NTM: variants seen among roughly 807,000 people sequenced by gnomAD.
The protein encoded by NTM is IgLON family member 2.
In NTM, 13 loss-of-function variants were observed where a neutral mutation model predicts 42.1. The observed-to-expected ratio is 0.31, with a 90% CI of 0.20 to 0.49. The LOEUF (loss-of-function observed/expected upper bound fraction) is 0.49. Among genes scored for constraint, NTM ranks in the 20% least tolerant of loss-of-function variants. The pLI is 0.99. For synonymous variants in NTM, 187 were observed against 179.2 expected, an observed-to-expected ratio of 1.04 and a Z score of -0.35; for missense variants, 373 against 452.8, an observed-to-expected ratio of 0.82 and a Z score of 1.60.
At chr11:131,772,428 A>G (rs955429783) in intron 1 of NTM, among the ~76,000 whole-genome samples, 5 of 152,186 alleles carry the variant, frequency 3.3e-5, no homozygotes, top group Non-Finnish European at 7.3e-5. Context: ...GGCCTGACCT[A>G]ATCAGGTCAA....
At chr11:131,541,586 T>C (rs781641448) in intron 1 of NTM, among the ~76,000 whole-genome samples, 1 of 151,958 alleles carries the variant, frequency 6.6e-6, no homozygotes, top group Admixed American at 6.6e-5. Flanking sequence ...TTGGGAGCTA[T>C]GTAAAGCCAG....
rs561142909 is a variant in NTM, at chr11:132,125,195, A to T, written c.168-21087A>T. On this transcript the variant is annotated intron_variant, in intron 2 of 8. Coordinates refer to ENST00000683400, the MANE Select transcript of NTM (RefSeq NM_001352005.2). ...GGCGACTGAGTGAGTGAATCAGGAA[A>T]GGATGTTTTCATTTTATTGAGTGAA... 5.9e-4 allele frequency among the ~76,000 whole-genome samples: 90 copies of T among 152,232 alleles called. 2 individuals are homozygous for T. Among genetic ancestry groups the T allele is most frequent in the African/African-American group, 2.0e-3 (83 of 41,546 alleles).
intron 7 of NTM, among the ~76,000 whole-genome samples, chr11:132,320,941 T>A (rs1307889589): frequency 6.6e-6 from 1 of 151,016 alleles, no homozygotes; most frequent in Non-Finnish European, 1.5e-5. Context: ...TGCAGGGTAC[T>A]CCAACAGACC....
intron 1 of NTM, among the ~76,000 whole-genome samples, chr11:131,711,931 A>T (rs1281711257): frequency 3.7e-4 from 49 of 133,308 alleles, no homozygotes; most frequent in African/African-American, 1.4e-3. Context: ...GAATTGAACA[A>T]TGAGAACACA....
chr11:131,523,275 A>G (rs1323679032), intron 1 of NTM, among the ~76,000 whole-genome samples: 1 of 152,242 alleles, frequency 6.6e-6, no homozygotes, highest in Non-Finnish European at 1.5e-5. Context: ...TTGTAATACT[A>G]GTTGTCAGAG....
chr11:132,183,057 G>T (rs1353766478), intron 3 of NTM, among the ~76,000 whole-genome samples: 1 of 152,046 alleles, frequency 6.6e-6, no homozygotes, highest in East Asian at 1.9e-4. Flanking sequence ...ATCTCACACG[G>T]TGCTGTACAG....
intron 1 of NTM, chr11:131,536,740 T>C (rs1292749143): frequency 1.3e-5 from 2 of 152,168 alleles, no homozygotes; most frequent in African/African-American, 4.8e-5. Flanking sequence ...CGCTAAATAG[T>C]GAGACAGAGG....
chr11:131,831,546 C>T (rs2042821786), intron 1 of NTM, among the ~76,000 whole-genome samples: 1 of 152,136 alleles, frequency 6.6e-6, no homozygotes, highest in Admixed American at 6.5e-5. Flanking sequence ...TTCCCCAAGC[C>T]TCCAGAAAGT....
At chr11:132,094,763 G>A (rs542115593) in intron 2 of NTM, among the ~76,000 whole-genome samples, 1 of 152,248 alleles carries the variant, frequency 6.6e-6, no homozygotes, top group East Asian at 1.9e-4. Flanking sequence ...AAAATGTCAG[G>A]GAGGTTAGAA....
chr11:131,823,224 A>G (rs2093264780), intron 1 of NTM, among the ~76,000 whole-genome samples: 3 of 152,152 alleles, frequency 2.0e-5, no homozygotes, highest in Non-Finnish European at 4.4e-5. Flanking sequence ...TTAGAGGGTT[A>G]TTTTCTTCCC....
intron 7 of NTM, among the ~76,000 whole-genome samples, chr11:132,316,448 C>A (rs531561422): frequency 5.1e-4 from 78 of 152,294 alleles, no homozygotes; most frequent in African/African-American, 1.8e-3. Context: ...CTACCATTGC[C>A]AGCTCTCTGG....
At chr11:132,117,514 A>G (rs557079990) in intron 2 of NTM, among the ~76,000 whole-genome samples, 1 of 152,214 alleles carries the variant, frequency 6.6e-6, no homozygotes, top group Non-Finnish European at 1.5e-5. Context: ...AAATATTCTT[A>G]TATATAAAGC....
chr11:132,237,757 G>A (rs1220508819), intron 4 of NTM, among the ~76,000 whole-genome samples: 1 of 152,154 alleles, frequency 6.6e-6, no homozygotes, highest in Non-Finnish European at 1.5e-5. Context: ...TCTCTCCGTA[G>A]CCAGAGGAAA....
chr11:131,814,147 A>T (rs1332184144), intron 1 of NTM, among the ~76,000 whole-genome samples: 3 of 152,196 alleles, frequency 2.0e-5, no homozygotes, highest in African/African-American at 7.2e-5. Flanking sequence ...TTCAGAAAGA[A>T]TGTGCTCCCA....
chr11:131,511,426 G>A (rs1191918123), intron 1 of NTM, among the ~76,000 whole-genome samples: 1 of 152,024 alleles, frequency 6.6e-6, no homozygotes, highest in East Asian at 1.9e-4. Flanking sequence ...GCTCTCATGG[G>A]ATTCATGCTA....
intron 2 of NTM, among the ~76,000 whole-genome samples, chr11:131,919,222 T>C (rs953004494): frequency 6.6e-6 from 1 of 152,136 alleles, no homozygotes; most frequent in African/African-American, 2.4e-5. Context: ...AAGTCTCCAC[T>C]GATGAGTAAA....
intron 2 of NTM, among the ~76,000 whole-genome samples, chr11:132,142,070 G>A (rs2069276210): frequency 6.6e-6 from 1 of 152,208 alleles, no homozygotes; most frequent in Admixed American, 6.5e-5. Context: ...ATATGTGGCA[G>A]GATGGGCAGA....
At chr11:131,521,901 C>T (rs539052701) in intron 1 of NTM, among the ~76,000 whole-genome samples, 1 of 152,110 alleles carries the variant, frequency 6.6e-6, no homozygotes, top group African/African-American at 2.4e-5. Context: ...TTTGTAATTG[C>T]TGAAGACCTT....
chr11:132,177,755 A>C (rs1268103398), intron 3 of NTM, among the ~76,000 whole-genome samples: 2 of 152,206 alleles, frequency 1.3e-5, no homozygotes, highest in African/African-American at 4.8e-5. Flanking sequence ...ATGAAGCCCC[A>C]ATGGGGCATG....
Sources: allele counts gnomAD v4.1 joint callset (sites outside exome capture counted in the v4.1 genomes callset), GRCh38; gene constraint gnomAD v4.1.1; transcripts MANE v1.5; gene names NCBI Gene and HGNC (gene_info 2026-07-23, HGNC 2026-07-21).